Variants in EHD4 observed in about 807,000 individuals in gnomAD.
EHD4 encodes the protein EH domain-containing protein 4.
In EHD4, 37 loss-of-function variants were observed where a neutral mutation model predicts 51.0. That is an observed-to-expected ratio of 0.73 (90% CI 0.56 to 0.95). The LOEUF is 0.95. Ranked by LOEUF, EHD4 falls within the 40% of genes least tolerant of loss-of-function variation. The probability of loss-of-function intolerance (pLI) is 0.00; values close to 1 mark genes in which losing one functional copy is unlikely to be tolerated. For missense variants in EHD4, 632 were observed against 733.1 expected (o/e 0.86, Z 1.59); for synonymous variants, 297 against 317.3 (o/e 0.94, Z 0.68).
Position 41,943,071 on chromosome 15 carries a change from G to A in EHD4, c.507C>T (p.Ser169=). Residue 169 remains serine, a synonymous_variant, in exon 3 of 6, where the codon AGC becomes AGT. Coordinates refer to ENST00000220325, the MANE Select transcript of EHD4 (RefSeq NM_139265.4). ...GGGGCAGGGACAGGCACTGACCTCG[G>A]CTGATGCGCTGCTTCTCCCCAGAAA... is the stretch of plus-strand genomic sequence containing the variant. ...GILSGEKQRI[S]RGYDFCQVLQ... is the part of the protein sequence containing the mutation. The A allele has an allele frequency of 6.4e-7, 1 of 1,572,354 alleles. No homozygotes were observed. The highest frequency in any genetic ancestry group is 8.6e-7 in the Non-Finnish European group (1 of 1,158,324).
intron 3 of EHD4, among the ~76,000 whole-genome samples, chr15:41,932,691 C>T (rs1212282588): frequency 6.6e-6 from 1 of 152,158 alleles, no homozygotes; most frequent in African/African-American, 2.4e-5. Context: ...ACACTGCTCC[C>T]GGGTCATTCT....
chr15:41,964,043 G>A (rs2067945016), intron 1 of EHD4, among the ~76,000 whole-genome samples: 1 of 151,054 alleles, frequency 6.6e-6, no homozygotes, highest in African/African-American at 2.4e-5. Context: ...TACTCCAGAG[G>A]CTGAGGCAGG....
At chr15:41,920,482 C>G (rs2067617566) in intron 3 of EHD4, among the ~76,000 whole-genome samples, 1 of 152,238 alleles carries the variant, frequency 6.6e-6, no homozygotes, top group African/African-American at 2.4e-5. Flanking sequence ...GTTGCAGAAG[C>G]AGAGTCTCAA....
chr15:41,961,035 A>C (rs2067921140), intron 1 of EHD4, among the ~76,000 whole-genome samples: 1 of 152,200 alleles, frequency 6.6e-6, no homozygotes, highest in African/African-American at 2.4e-5. Flanking sequence ...TAAATCATTG[A>C]CATGTTATCA....
chr15:41,907,189 T>C (rs2067518212), intron 5 of EHD4, among the ~76,000 whole-genome samples: 1 of 152,188 alleles, frequency 6.6e-6, no homozygotes, highest in South Asian at 2.1e-4. Context: ...CAAGGCACTG[T>C]AGCAACTTCA....
chr15:41,942,940 G>A, intron 3 of EHD4, 127 bp downstream of exon 3: 1 of 842,730 alleles, frequency 1.2e-6, no homozygotes, highest in Non-Finnish European at 1.9e-6. Flanking sequence ...GACACTTGGG[G>A]CCCCTTCAGC....
rs540325402 is a variant in EHD4, at chr15:41,971,883, T to G, written c.236+376A>C. On this transcript the variant is annotated intron_variant, in intron 1 of 5. Coordinates refer to ENST00000220325, the MANE Select transcript of EHD4 (RefSeq NM_139265.4). ...CTCTCCAACTAGGACTCTGTCCCATTCGGATACCCTACGCCTCTCCCCCCA... is the reference window on the plus strand; with the variant it reads ...CTCTCCAACTAGGACTCTGTCCCATGCGGATACCCTACGCCTCTCCCCCCA... Among the ~76,000 whole-genome samples the G allele has an allele frequency of 2.6e-5, 4 of 152,340 alleles. No individual in the cohort carries two copies. In the South Asian group the frequency reaches 6.2e-4, roughly 24 times the overall value.
intron 4 of EHD4, among the ~76,000 whole-genome samples, chr15:41,916,963 G>A (rs1223383097): frequency 6.6e-6 from 1 of 152,190 alleles, no homozygotes; most frequent in African/African-American, 2.4e-5. Context: ...TATTCACAGT[G>A]TCAGAATACA....
rs10522331 is a variant in EHD4, at chr15:41,907,824, CTGTGTG to C, written c.1089+1869_1089+1874del. Among the ~76,000 whole-genome samples the C allele has an allele frequency of 9.9e-4, 131 of 132,118 alleles. 1 individual carries two copies. Among genetic ancestry groups the C allele is most frequent in the African/African-American group, 1.4e-3 (49 of 34,916 alleles). The allele number at this position is 132,118 out of a possible 152,430, so 86.7% of individuals were successfully genotyped here. On this transcript the variant is annotated intron_variant, in intron 5 of 5. Transcript: ENST00000220325. ...AGGTGTGAGCCACTGCGCCCAGGCT[CTGTGTG>C]TGTGTGTGTGTGTGTGTGTGTGTGT...
intron 2 of EHD4, among the ~76,000 whole-genome samples, chr15:41,948,969 G>A (rs1421511600): frequency 6.7e-6 from 1 of 149,004 alleles, no homozygotes; most frequent in Non-Finnish European, 1.5e-5. Context: ...AGGCTGCAGT[G>A]AGCTGTGATC....
At chr15:41,958,351 G>C (rs2067901354) in intron 1 of EHD4, among the ~76,000 whole-genome samples, 1 of 152,058 alleles carries the variant, frequency 6.6e-6, no homozygotes, top group Admixed American at 6.5e-5. Context: ...AGGGATGGTG[G>C]GATGGATGGG....
At chr15:41,953,475 C>T (rs1319954824) in intron 2 of EHD4, among the ~76,000 whole-genome samples, 1 of 152,144 alleles carries the variant, frequency 6.6e-6, no homozygotes, top group East Asian at 1.9e-4. Flanking sequence ...TTGCCTCAGC[C>T]TCCCAAAGTG....
chr15:41,907,186 C>T (rs1336417476), intron 5 of EHD4, among the ~76,000 whole-genome samples: 1 of 152,222 alleles, frequency 6.6e-6, no homozygotes, highest in Non-Finnish European at 1.5e-5. Context: ...TGGCAAGGCA[C>T]TGTAGCAACT....
intron 3 of EHD4, among the ~76,000 whole-genome samples, chr15:41,921,118 T>C (rs2067622083): frequency 6.6e-6 from 1 of 152,120 alleles, no homozygotes. Flanking sequence ...AACAAGACAG[T>C]TGGTAACGCT....
chr15:41,955,045 C>T (rs1033144381), intron 1 of EHD4, among the ~76,000 whole-genome samples: 4 of 152,172 alleles, frequency 2.6e-5, no homozygotes, highest in Non-Finnish European at 5.9e-5. Context: ...TGTGGCACCC[C>T]AGAATAGATA....
intron 1 of EHD4, among the ~76,000 whole-genome samples, chr15:41,963,401 C>T (rs2067939700): frequency 6.6e-6 from 1 of 151,266 alleles, no homozygotes; most frequent in Non-Finnish European, 1.5e-5. Context: ...GTGTTCGAGA[C>T]CAGCCTGGTT....
intron 1 of EHD4, among the ~76,000 whole-genome samples, chr15:41,971,995 C>A (rs955596790): frequency 6.6e-6 from 1 of 152,164 alleles, no homozygotes; most frequent in African/African-American, 2.4e-5. Flanking sequence ...CCCGCCAGGG[C>A]GACCGGACGA....
chr15:41,934,833 C>T (rs139794422), intron 3 of EHD4, among the ~76,000 whole-genome samples: 5 of 152,322 alleles, frequency 3.3e-5, no homozygotes, highest in Non-Finnish European at 5.9e-5. Flanking sequence ...ACCAAACACG[C>T]CCAGAGAACT....
rs1393070367 is a variant in EHD4 at position 41,898,936 on chromosome 15, C to T, written c.*1709G>A. On this transcript the variant is annotated 3_prime_UTR_variant, in exon 6 of 6. Coordinates refer to ENST00000220325, the MANE Select transcript of EHD4 (RefSeq NM_139265.4). ...AAAACCATGTTATGCATTTCCTGCT[C>T]TTAAAACTAAATTATGTAGAAAGTA... is the stretch of plus-strand genomic sequence containing the variant. 1.3e-5 allele frequency: 2 copies of T among 152,180 alleles called. No homozygotes were observed. The highest frequency in any genetic ancestry group is 2.4e-5 in the African/African-American group (1 of 41,448). The allele number at this position is 152,180 out of a possible 1,614,324, so 9.4% of individuals were successfully genotyped here.
Sources: allele counts gnomAD v4.1 joint callset (sites outside exome capture counted in the v4.1 genomes callset), GRCh38; gene constraint gnomAD v4.1.1; transcripts MANE v1.5; gene names NCBI Gene and HGNC (gene_info 2026-07-23, HGNC 2026-07-21).